EEFSEC: variants seen among roughly 807,000 people sequenced by gnomAD.
EEFSEC encodes the protein eukaryotic elongation factor, selenocysteine-tRNA specific, also known as selenocysteine-specific elongation factor.
In EEFSEC, 43 loss-of-function variants were observed where a neutral mutation model predicts 42.1. The ratio of observed to expected loss-of-function variants is 1.02; its 90% CI spans 0.80 to 1.32. The LOEUF is 1.32. Ranked by LOEUF, EEFSEC falls within the 40% of genes most tolerant of loss-of-function variation. The pLI, the probability that EEFSEC is intolerant of heterozygous loss-of-function variation, is 0.00. For synonymous variants in EEFSEC, 354 were observed against 339.1 expected, an observed-to-expected ratio of 1.04 and a Z score of -0.48; for missense variants, 745 against 803.6, an observed-to-expected ratio of 0.93 and a Z score of 0.88.
At position 128,317,327 on chromosome 3, in the gene EEFSEC, T is replaced by C. The variant is rs2066957824; in HGVS notation, c.787-23906T>C. 6.6e-6 allele frequency among the ~76,000 whole-genome samples: 1 copy of C among 152,206 alleles called. No homozygotes were observed. Among genetic ancestry groups the C allele is most frequent in the African/African-American group, 2.4e-5 (1 of 41,458 alleles). The stretch of plus-strand genomic sequence containing the variant: ...CTCACATGCAGTGCGTCCCCAGACT[T>C]GTAAGCCTGGCCTGTTCTCCGCCCC... On this transcript the variant is annotated intron_variant, in intron 4 of 6. Coordinates refer to ENST00000254730, the MANE Select transcript of EEFSEC (RefSeq NM_021937.5). This position sits in a 1 kb window ranked among gnomAD's most constrained non-coding sequence, Gnocchi z 4.1.
chr3:128,260,057 A>G (rs2066282030), intron 2 of EEFSEC, among the ~76,000 whole-genome samples: 1 of 152,210 alleles, frequency 6.6e-6, no homozygotes. Flanking sequence ...TAGCTGGATC[A>G]TGTGGTGATC....
At chr3:128,182,733 C>T (rs2065421896) in intron 1 of EEFSEC, among the ~76,000 whole-genome samples, 1 of 152,172 alleles carries the variant, frequency 6.6e-6, no homozygotes, top group Non-Finnish European at 1.5e-5. Flanking sequence ...TGGGTGTCCT[C>T]ACACCCAGAC....
intron 4 of EEFSEC, among the ~76,000 whole-genome samples, chr3:128,267,642 G>A (rs1559894121): frequency 6.6e-6 from 1 of 152,200 alleles, no homozygotes; most frequent in African/African-American, 2.4e-5. Context: ...GAGGTTCTCA[G>A]TCCCTCTAGA....
At chr3:128,420,032 A>G in the EEFSEC span, among the ~76,000 whole-genome samples, 1 of 152,238 alleles carries the variant, frequency 6.6e-6, no homozygotes, top group East Asian at 1.9e-4. Flanking sequence ...CAGGAGAGAC[A>G]GAGACAGTGA....
intron 1 of EEFSEC, among the ~76,000 whole-genome samples, chr3:128,214,544 G>A (rs1481719719): frequency 6.6e-6 from 1 of 152,172 alleles, no homozygotes; most frequent in Non-Finnish European, 1.5e-5. Flanking sequence ...TAGAAAATAT[G>A]ATATGAGATC....
intron 6 of EEFSEC, among the ~76,000 whole-genome samples, chr3:128,373,786 C>G (rs1301190536): frequency 2.0e-5 from 3 of 152,138 alleles, no homozygotes; most frequent in African/African-American, 7.2e-5. Context: ...CAAAAAGATC[C>G]AGGTATCACA....
intron 6 of EEFSEC, among the ~76,000 whole-genome samples, chr3:128,394,160 C>T (rs1196653629): frequency 1.3e-5 from 2 of 152,212 alleles, no homozygotes; most frequent in African/African-American, 4.8e-5. Flanking sequence ...GGCCCCAGCC[C>T]CTGTACCCAC....
chr3:128,266,345 C>T (rs2066353396), intron 4 of EEFSEC, among the ~76,000 whole-genome samples: 1 of 152,044 alleles, frequency 6.6e-6, no homozygotes, highest in South Asian at 2.1e-4. Context: ...GAGAGGGTCC[C>T]TACTGGCACC....
intron 6 of EEFSEC, among the ~76,000 whole-genome samples, chr3:128,394,291 T>C (rs1021132982): frequency 1.3e-5 from 2 of 152,186 alleles, no homozygotes; most frequent in African/African-American, 4.8e-5. Context: ...CCTTCCCCTG[T>C]CAGCAAGAGG....
intron 4 of EEFSEC, among the ~76,000 whole-genome samples, chr3:128,276,318 C>G (rs901916746): frequency 6.6e-6 from 1 of 152,170 alleles, no homozygotes. Flanking sequence ...CAGCAGGAAC[C>G]AAGGAATTAA....
intron 6 of EEFSEC, among the ~76,000 whole-genome samples, chr3:128,367,149 C>A (rs905007633): frequency 6.6e-6 from 1 of 152,208 alleles, no homozygotes; most frequent in African/African-American, 2.4e-5. Context: ...GACCTCATTT[C>A]ATCTTAATTA....
chr3:128,413,837 C>T, the EEFSEC span, among the ~76,000 whole-genome samples: 2 of 152,238 alleles, frequency 1.3e-5, no homozygotes, highest in African/African-American at 4.8e-5. Flanking sequence ...ATCCGTCTCC[C>T]CTGCAAGGCT....
intron 6 of EEFSEC, among the ~76,000 whole-genome samples, chr3:128,392,087 A>G (rs1383305669): frequency 6.6e-6 from 1 of 152,142 alleles, no homozygotes; most frequent in Non-Finnish European, 1.5e-5. Flanking sequence ...GGGCAGAGCT[A>G]TGTGTTCTGG....
chr3:128,268,322 C>T (rs878914545), intron 4 of EEFSEC, among the ~76,000 whole-genome samples: 13 of 152,142 alleles, frequency 8.5e-5, no homozygotes, highest in Admixed American at 3.3e-4. Context: ...TACATGATGA[C>T]ATTAGGAACT....
chr3:128,166,478 C>T (rs2107769227), intron 1 of EEFSEC, among the ~76,000 whole-genome samples: 1 of 152,226 alleles, frequency 6.6e-6, no homozygotes, highest in Middle Eastern at 3.4e-3. Flanking sequence ...TATATAGGCA[C>T]AGGTGGCTAG....
chr3:128,216,410 C>G (rs1178775172), intron 1 of EEFSEC, among the ~76,000 whole-genome samples: 1 of 152,154 alleles, frequency 6.6e-6, no homozygotes, highest in African/African-American at 2.4e-5. Context: ...CAAGGTGGCT[C>G]TAGTAAAAGG....
At chr3:128,166,052 C>T (rs962068236) in intron 1 of EEFSEC, among the ~76,000 whole-genome samples, 7 of 152,176 alleles carry the variant, frequency 4.6e-5, no homozygotes, top group Non-Finnish European at 8.8e-5. Flanking sequence ...AAAAGATGAT[C>T]CAGGGGACAT....
intron 1 of EEFSEC, among the ~76,000 whole-genome samples, chr3:128,227,329 T>G (rs1011583920): frequency 2.0e-5 from 3 of 152,138 alleles, no homozygotes; most frequent in Admixed American, 6.5e-5. Flanking sequence ...ACTCCGTTCT[T>G]TTTTTGGTCT....
chr3:128,213,376 T>C (rs928867171), intron 1 of EEFSEC, among the ~76,000 whole-genome samples: 1 of 152,224 alleles, frequency 6.6e-6, no homozygotes, highest in African/African-American at 2.4e-5. Context: ...GCAGTCTAGC[T>C]GATTTGGAGG....
Sources: gnomAD v4.1 joint callset for allele counts (sites outside exome capture counted in the v4.1 genomes callset) on GRCh38, gnomAD v4.1.1 for gene constraint, Gnocchi (gnomAD v3.1) non-coding constraint, MANE v1.5 for transcripts, NCBI Gene and HGNC (gene_info 2026-07-23, HGNC 2026-07-21) for gene names.